The following TRMT11 variants were observed in gnomAD, a reference collection of about 807,000 sequenced individuals.
TRMT11 encodes tRNA (guanine(10)-N(2))-methyltransferase TRMT11.
A neutral mutation model predicts 62.8 loss-of-function variants in TRMT11; 53 were observed. The observed-to-expected ratio is 0.84, with a 90% CI of 0.68 to 1.06. The LOEUF is 1.06. Among genes scored for constraint, TRMT11 ranks in the 50% least tolerant of loss-of-function variants. The probability of loss-of-function intolerance (pLI) is 0.00; values close to 1 mark genes in which losing one functional copy is unlikely to be tolerated. For synonymous variants in TRMT11, 188 were observed against 190.3 expected (o/e 0.99, Z 0.10); for missense variants, 556 against 553.4 (o/e 1.00, Z -0.05).
At chr6:126,094,737 A>G (rs1777321447) in intron 17 of TRMT11, among the ~76,000 whole-genome samples, 1 of 152,186 alleles carries the variant, frequency 6.6e-6, no homozygotes, top group Non-Finnish European at 1.5e-5. Flanking sequence ...CTGAATGTTC[A>G]GGAACATTCT....
At chr6:126,211,749 C>T in the TRMT11 span, among the ~76,000 whole-genome samples, 73 of 152,010 alleles carry the variant, frequency 4.8e-4, no homozygotes, top group African/African-American at 1.7e-3. Flanking sequence ...GTGGGGTACC[C>T]ACCACTTCAA....
chr6:126,113,984 A>G (rs1252712245), intron 18 of TRMT11, among the ~76,000 whole-genome samples: 1 of 152,086 alleles, frequency 6.6e-6, no homozygotes, highest in Non-Finnish European at 1.5e-5. Flanking sequence ...TCTTTACAAA[A>G]TGTGGGTTGC....
At position 126,087,573 on chromosome 6, in the gene TRMT11, C is replaced by CT. The variant is rs569244244; in HGVS notation, c.*1438-25292dup. On this transcript the variant is annotated intron_variant and NMD_transcript_variant, in intron 17 of 22. Transcript: ENST00000648977. ...TTTTTGTTTTTCTCCATAAGCTGAT[C>CT]TCAGAAACTTTTCCTTTGCAGGAAG... 1.1e-3 allele frequency among the ~76,000 whole-genome samples: 173 copies of CT among 152,314 alleles called. 2 individuals carry two copies. Among genetic ancestry groups the CT allele is most frequent in the Non-Finnish European group, 1.9e-4 (13 of 68,022 alleles).
At chr6:126,086,300 T>C (rs1777215799) in intron 17 of TRMT11, among the ~76,000 whole-genome samples, 1 of 152,176 alleles carries the variant, frequency 6.6e-6, no homozygotes, top group Non-Finnish European at 1.5e-5. Context: ...CAAAATCTAT[T>C]GAAGCCACAA....
chr6:126,042,723 T>C (rs368719422), downstream of TRMT11, among the ~76,000 whole-genome samples: 2 of 152,272 alleles, frequency 1.3e-5, no homozygotes, highest in Admixed American at 1.3e-4. Context: ...TTGGCTAACA[T>C]GCAGCAGTGA....
At position 126,200,415 on chromosome 6, in the gene TRMT11, A is replaced by G. The variant is rs116775093; in HGVS notation, n.371+515A>G. ...GAAAATGCCACCGTTATTTTAAAAT[A>G]CAAAGTCAGAAGTTAAAAATAACTC... On this transcript the variant is annotated intron_variant and non_coding_transcript_variant, in intron 3 of 3. Coordinates refer to the TRMT11 transcript ENST00000444229. Among the ~76,000 whole-genome samples, 891 of 152,360 alleles carry G rather than the reference A, an allele frequency of 5.8e-3. 8 individuals carry two copies. The highest frequency in any genetic ancestry group is 0.021 in the African/African-American group (857 of 41,582).
chr6:126,223,102 A>C, the TRMT11 span, among the ~76,000 whole-genome samples: 2 of 152,142 alleles, frequency 1.3e-5, no homozygotes, highest in Non-Finnish European at 2.9e-5. Context: ...GCTGGTATGA[A>C]ATTCTTGGTT....
chr6:126,182,287 A>G (rs1778475905), intron 1 of TRMT11, among the ~76,000 whole-genome samples: 1 of 152,026 alleles, frequency 6.6e-6, no homozygotes, highest in Non-Finnish European at 1.5e-5. Context: ...GGATCCTGTG[A>G]TAATCAGCAT....
chr6:126,267,403 A>G, the TRMT11 span, among the ~76,000 whole-genome samples: 1 of 152,124 alleles, frequency 6.6e-6, no homozygotes, highest in South Asian at 2.1e-4. Context: ...CTCTGGTCCA[A>G]TATGGGCCAC....
intron 17 of TRMT11, among the ~76,000 whole-genome samples, chr6:126,059,549 C>T (rs2128124194): frequency 1.3e-5 from 2 of 152,268 alleles, no homozygotes; most frequent in Middle Eastern, 3.4e-3. Flanking sequence ...CTAGTATATG[C>T]TAAGTATCTG....
chr6:126,234,715 T>G, the TRMT11 span, among the ~76,000 whole-genome samples: 1 of 152,208 alleles, frequency 6.6e-6, no homozygotes, highest in Non-Finnish European at 1.5e-5. Flanking sequence ...TATGTGTATT[T>G]CAGTTGTATT....
intron 21 of TRMT11, among the ~76,000 whole-genome samples, chr6:126,125,205 C>T (rs1024938969): frequency 1.3e-5 from 2 of 152,020 alleles, no homozygotes; most frequent in African/African-American, 4.8e-5. Flanking sequence ...CTCTTCTTTG[C>T]GTTGATACCC....
intron 1 of TRMT11, among the ~76,000 whole-genome samples, chr6:126,191,690 A>T (rs1177785387): frequency 6.6e-6 from 1 of 152,022 alleles, no homozygotes; most frequent in Non-Finnish European, 1.5e-5. Flanking sequence ...AGAACCATTT[A>T]TTAAAGAAAC....
At chr6:126,063,496 C>T (rs1179236657) in intron 17 of TRMT11, among the ~76,000 whole-genome samples, 3 of 152,202 alleles carry the variant, frequency 2.0e-5, no homozygotes, top group African/African-American at 7.2e-5. Flanking sequence ...AGAGATCTTA[C>T]AGTTGGAGAT....
At chr6:126,002,714 CAAGAAGTGGTACTCA>C (rs1023783042) in intron 7 of TRMT11, among the ~76,000 whole-genome samples, 4 of 152,078 alleles carry the variant, frequency 2.6e-5, no homozygotes, top group African/African-American at 7.2e-5. Context: ...CAGAACTACA[CAAGAAGTGGTACTCA>C]AAGAGATGTC....
intron 11 of TRMT11, among the ~76,000 whole-genome samples, chr6:126,017,033 T>C (rs1310011865): frequency 6.6e-6 from 1 of 152,230 alleles, no homozygotes; most frequent in Non-Finnish European, 1.5e-5. Flanking sequence ...AATTTGAGTC[T>C]AAAGTCATCT....
rs750058286 is a variant in TRMT11 at position 126,038,781 on chromosome 6, A to C, written c.1337A>C (p.Tyr446Ser). 2 of 1,607,158 alleles carry C rather than the reference A, an allele frequency of 1.2e-6. No homozygotes were observed. Among genetic ancestry groups the C allele is most frequent in the Admixed American group, 3.4e-5 (2 of 58,930 alleles). ...YQGHNSFREK[Y>S]FSGVTKRIAK... ...GGTCATAATTCCTTCCGTGAGAAAT[A>C]TTTTAGTGGGGTAACAAAAAGAATT... is the stretch of plus-strand genomic sequence containing the variant. Residue 446 changes from tyrosine to serine, a missense_variant, in exon 13 of 13, where the codon TAT becomes TCT. Transcript: ENST00000334379.
At chr6:126,044,460 T>G (rs1355101417) in intron 16 of TRMT11, among the ~76,000 whole-genome samples, 1 of 152,220 alleles carries the variant, frequency 6.6e-6, no homozygotes, top group African/African-American at 2.4e-5. Flanking sequence ...TACTGTAGCC[T>G]TGTAGTATAG....
chr6:126,095,474 GA>G (rs777875101), intron 17 of TRMT11, among the ~76,000 whole-genome samples: 18 of 152,284 alleles, frequency 1.2e-4, no homozygotes, highest in Admixed American at 3.9e-4. Context: ...TGCTCACAGG[GA>G]ATATTTAACA....
Sources: gnomAD v4.1 joint callset for allele counts (sites outside exome capture counted in the v4.1 genomes callset) on GRCh38, gnomAD v4.1.1 for gene constraint, MANE v1.5 for transcripts, NCBI Gene and HGNC (gene_info 2026-07-23, HGNC 2026-07-21) for gene names.